Variants in LIPK observed in about 807,000 individuals in gnomAD.
LIPK encodes the protein lipase family member K.
A neutral mutation model predicts 48.6 loss-of-function variants in LIPK; 32 were observed. That is an observed-to-expected ratio of 0.66 (90% CI 0.50 to 0.88). The LOEUF is 0.88. Ranked by LOEUF, LIPK falls within the 40% of genes least tolerant of loss-of-function variation. The pLI, the probability that LIPK is intolerant of heterozygous loss-of-function variation, is 0.00. For missense variants in LIPK, 507 were observed against 478.5 expected (o/e 1.06, Z -0.56); for synonymous variants, 164 against 157.4 (o/e 1.04, Z -0.32).
intron 6 of LIPK, among the ~76,000 whole-genome samples, chr10:88,737,047 A>T (rs1289069628): frequency 1.3e-5 from 2 of 152,244 alleles, no homozygotes; most frequent in East Asian, 3.8e-4. Context: ...ACTAGTAAAG[A>T]TTCATTTATG....
chr10:88,739,103 T>G (rs1051639500), intron 7 of LIPK, among the ~76,000 whole-genome samples: 2 of 152,242 alleles, frequency 1.3e-5, no homozygotes, highest in Non-Finnish European at 2.9e-5. Flanking sequence ...TTTTTGTGTG[T>G]GTTTTGTTTT....
At chr10:88,717,495 C>T (rs766476810) in intron 1 of LIPK, among the ~76,000 whole-genome samples, 3 of 152,120 alleles carry the variant, frequency 2.0e-5, no homozygotes, top group Non-Finnish European at 2.9e-5. Context: ...TTAAGGTCCA[C>T]GTGTTTTCCC....
chr10:88,750,965 T>C (rs1842853127), intron 9 of LIPK, among the ~76,000 whole-genome samples: 1 of 152,200 alleles, frequency 6.6e-6, no homozygotes, highest in Admixed American at 6.5e-5. Flanking sequence ...TTCTCTGACT[T>C]CTTATCTATG....
rs192437193 is a variant in LIPK at position 88,736,007 on chromosome 10, T to A, written c.670-1628T>A. Among the ~76,000 whole-genome samples the A allele has an allele frequency of 8.4e-4, 128 of 152,286 alleles. 1 individual carries two copies. Among genetic ancestry groups the A allele is most frequent in the Middle Eastern group, 6.8e-3 (2 of 294 alleles). ...ACTCCAGGTTTCAGAACAGAGATTA[T>A]CTTGTATAGTCAGATATAATCTTTA... On this transcript the variant is annotated intron_variant, in intron 6 of 9. Transcript: ENST00000404190.
chr10:88,740,331 A>G (rs395231), intron 8 of LIPK, among the ~76,000 whole-genome samples: 33,124 of 152,168 alleles, frequency 0.22, 3,778 homozygotes, highest in East Asian at 0.37. Flanking sequence ...TTAAGGGAAG[A>G]CTTTTATTTC....
intron 3 of LIPK, chr10:88,728,895 C>A: frequency 5.5e-6 from 1 of 183,448 alleles, no homozygotes. Flanking sequence ...GTATCCGAGT[C>A]CTCTGATGTC....
At chr10:88,733,576 C>T (rs998704052) in intron 6 of LIPK, among the ~76,000 whole-genome samples, 4 of 152,192 alleles carry the variant, frequency 2.6e-5, no homozygotes, top group Non-Finnish European at 5.9e-5. Flanking sequence ...CTTACATTGC[C>T]TGTTGGTACT....
At chr10:88,728,659 A>G in intron 3 of LIPK, 1 of 484,328 alleles carries the variant, frequency 2.1e-6, no homozygotes, top group Non-Finnish European at 4.1e-6. Flanking sequence ...CTGGAGGGCG[A>G]GGAGAGCCCG....
intron 9 of LIPK, among the ~76,000 whole-genome samples, chr10:88,748,689 T>G (rs900542631): frequency 2.0e-5 from 3 of 151,650 alleles, no homozygotes; most frequent in Non-Finnish European, 4.4e-5. Context: ...AACATAATAC[T>G]GAATAGGCAA....
chr10:88,743,846 A>G (rs1842723954), intron 9 of LIPK, among the ~76,000 whole-genome samples: 1 of 152,154 alleles, frequency 6.6e-6, no homozygotes, highest in Admixed American at 6.5e-5. Context: ...TAGGAGTGCA[A>G]TGGCCCATTC....
chr10:88,720,272 AT>A (rs1263689209), intron 1 of LIPK, among the ~76,000 whole-genome samples: 5 of 152,100 alleles, frequency 3.3e-5, no homozygotes, highest in Admixed American at 1.3e-4. Flanking sequence ...CATTATATAG[AT>A]TTTTTTGGTA....
At chr10:88,727,932 G>A in intron 3 of LIPK, 1 of 369,992 alleles carries the variant, frequency 2.7e-6, no homozygotes, top group South Asian at 2.4e-5. Flanking sequence ...GGGAGAACGT[G>A]GACAACATGG....
Position 88,730,969 on chromosome 10 carries a change from C to A in LIPK, c.224-14C>A. The A allele has an allele frequency of 6.5e-7, 1 of 1,543,660 alleles. No homozygotes were observed. Among genetic ancestry groups the A allele is most frequent in the African/African-American group, 1.4e-5 (1 of 72,352 alleles). On this transcript the variant is annotated splice_polypyrimidine_tract_variant and intron_variant, in intron 3 of 9. Coordinates refer to ENST00000404190, the MANE Select transcript of LIPK (RefSeq NM_001080518.2). ...AAGTTCAAATATGAAATTCTTGTTG[C>A]CTGTGTTTTGCAGCTCCAAAGCCTG...
At chr10:88,739,476 G>A (rs1249266983) in intron 7 of LIPK, among the ~76,000 whole-genome samples, 2 of 146,988 alleles carry the variant, frequency 1.4e-5, no homozygotes, top group African/African-American at 5.0e-5. Context: ...GGACAGGACA[G>A]AGCTGGTGGA....
intron 8 of LIPK, among the ~76,000 whole-genome samples, chr10:88,743,000 T>C (rs1336085298): frequency 7.9e-5 from 12 of 152,194 alleles, no homozygotes; most frequent in African/African-American, 9.6e-5. Context: ...TTTAAAGGCA[T>C]TGGATTTAAA....
At chr10:88,725,700 G>T (rs1215396879) in intron 2 of LIPK, among the ~76,000 whole-genome samples, 1 of 152,080 alleles carries the variant, frequency 6.6e-6, no homozygotes, top group African/African-American at 2.4e-5. Flanking sequence ...CATCTCAAAG[G>T]CCTCTTATAA....
At chr10:88,736,820 G>T (rs999818568) in intron 6 of LIPK, among the ~76,000 whole-genome samples, 1 of 152,146 alleles carries the variant, frequency 6.6e-6, no homozygotes, top group Non-Finnish European at 1.5e-5. Context: ...GATCTTAAAT[G>T]AATAAATGCT....
At chr10:88,745,572 A>C (rs1246351930) in intron 9 of LIPK, among the ~76,000 whole-genome samples, 1 of 152,194 alleles carries the variant, frequency 6.6e-6, no homozygotes, top group Non-Finnish European at 1.5e-5. Flanking sequence ...TTTTTCAGAC[A>C]AAATTGCTAA....
chr10:88,739,878 TAAAAAA>T (rs933165964), intron 7 of LIPK, 112 bp from the exon 8 acceptor site: 1 of 574,790 alleles, frequency 1.7e-6, no homozygotes, highest in Non-Finnish European at 2.9e-6. Context: ...AAAATAAAAA[TAAAAAA>T]AAGAAAGAAA....
Sources: allele counts gnomAD v4.1 joint callset (sites outside exome capture counted in the v4.1 genomes callset), GRCh38; gene constraint gnomAD v4.1.1; transcripts MANE v1.5; gene names NCBI Gene and HGNC (gene_info 2026-07-23, HGNC 2026-07-21).